The following ARHGAP26 variants were observed in gnomAD, a reference collection of about 807,000 sequenced individuals.
ARHGAP26 encodes the protein Rho GTPase activating protein 26.
ARHGAP26 carries 38 observed loss-of-function variants against 104.8 expected under a neutral mutation model. The ratio of observed to expected loss-of-function variants is 0.36; its 90% CI spans 0.28 to 0.48. The LOEUF (loss-of-function observed/expected upper bound fraction) is 0.48. Ranked by LOEUF, ARHGAP26 falls within the 20% of genes least tolerant of loss-of-function variation. The probability of loss-of-function intolerance (pLI) is 0.99; values close to 1 mark genes in which losing one functional copy is unlikely to be tolerated. For missense variants in ARHGAP26, 704 were observed against 947.9 expected (o/e 0.74, Z 3.38); for synonymous variants, 341 against 340.0 (o/e 1.00, Z -0.03).
chr5:142,928,018 C>A (rs1039155115), intron 10 of ARHGAP26, among the ~76,000 whole-genome samples: 1 of 152,092 alleles, frequency 6.6e-6, no homozygotes, highest in Admixed American at 6.6e-5. Context: ...TTTTCTTACT[C>A]ACTTGTAGGC....
chr5:142,874,505 A>G (rs540610511), intron 2 of ARHGAP26, among the ~76,000 whole-genome samples: 1 of 152,312 alleles, frequency 6.6e-6, no homozygotes, highest in Non-Finnish European at 1.5e-5. Flanking sequence ...ACATGGCTCA[A>G]GGGTCTCGAG....
At chr5:142,831,007 A>G (rs1250987506) in intron 1 of ARHGAP26, among the ~76,000 whole-genome samples, 1 of 152,236 alleles carries the variant, frequency 6.6e-6, no homozygotes, top group Non-Finnish European at 1.5e-5. Context: ...AATACAAATT[A>G]TAATAGCACC....
At chr5:142,867,351 A>ATGTACAG (rs1437425847) in intron 1 of ARHGAP26, among the ~76,000 whole-genome samples, 1 of 150,280 alleles carries the variant, frequency 6.7e-6, no homozygotes, top group African/African-American at 2.5e-5. Flanking sequence ...TGCTAGTACA[A>ATGTACAG]TGCCAGGAGT....
At chr5:143,140,739 G>A (rs1234308132) in intron 19 of ARHGAP26, among the ~76,000 whole-genome samples, 4 of 151,982 alleles carry the variant, frequency 2.6e-5, no homozygotes, top group African/African-American at 7.3e-5. Context: ...GTACAGTGTC[G>A]GTGGGGGTGG....
At chr5:142,805,071 A>ATTTTCT (rs550175001) in intron 1 of ARHGAP26, among the ~76,000 whole-genome samples, 2 of 146,434 alleles carry the variant, frequency 1.4e-5, no homozygotes, top group South Asian at 2.1e-4. Context: ...GCTATACCAC[A>ATTTTCT]TTTTCTTTTT....
At chr5:143,172,995 C>T (rs1424144628) in intron 20 of ARHGAP26, 18 of 180,718 alleles carry the variant, frequency 1.0e-4, no homozygotes, top group Middle Eastern at 4.1e-3. Flanking sequence ...ACCATGTCTA[C>T]GGCATGCCAG....
intron 11 of ARHGAP26, among the ~76,000 whole-genome samples, chr5:142,970,961 A>G (rs1489437166): frequency 6.6e-6 from 1 of 152,244 alleles, no homozygotes; most frequent in Non-Finnish European, 1.5e-5. Context: ...GAAACTTTTT[A>G]AAGTGTGATT....
At chr5:142,977,306 T>C (rs1163217934) in intron 11 of ARHGAP26, among the ~76,000 whole-genome samples, 1 of 152,172 alleles carries the variant, frequency 6.6e-6, no homozygotes, top group African/African-American at 2.4e-5. Context: ...TCCTTGAGAT[T>C]ATGGTTCCTT....
intron 3 of ARHGAP26, among the ~76,000 whole-genome samples, chr5:142,877,143 G>A (rs1239298619): frequency 6.6e-6 from 1 of 152,152 alleles, no homozygotes; most frequent in African/African-American, 2.4e-5. Context: ...GCTTGCCTCT[G>A]CAATTTTATT....
rs1562164500 is a variant in ARHGAP26, at chr5:142,963,183, T to TACATAC, written c.1107+31059_1107+31060insCATACA. Among the ~76,000 whole-genome samples, 459 of 107,374 alleles carry TACATAC rather than the reference T, an allele frequency of 4.3e-3. 8 individuals are homozygous for TACATAC. Among genetic ancestry groups the TACATAC allele is most frequent in the African/African-American group, 0.021 (417 of 19,538 alleles). 70.4% of individuals were successfully genotyped at this position (107,374 alleles called of 152,430 possible). A position where few individuals can be genotyped will look rare whatever the true frequency, so the allele number is the denominator to read the frequency against. ...TCCATGGTATATATGTATATATATA[T>TACATAC]ATATATATATATATATGTGTGTGTG... is the stretch of plus-strand genomic sequence containing the variant. On this transcript the variant is annotated intron_variant, in intron 11 of 22. Transcript: ENST00000645722.
chr5:143,051,958 C>T (rs3776344), intron 14 of ARHGAP26, among the ~76,000 whole-genome samples: 74,954 of 151,950 alleles, frequency 0.49, 22,983 homozygotes, highest in East Asian at 0.91. Context: ...CAGCTCTCCA[C>T]GTGTCTTAGG....
intron 14 of ARHGAP26, among the ~76,000 whole-genome samples, chr5:143,051,198 C>T (rs760938999): frequency 1.3e-5 from 2 of 152,152 alleles, no homozygotes; most frequent in Admixed American, 6.5e-5. Context: ...ATAATTTCCT[C>T]CAAAATATCC....
Position 142,901,921 on chromosome 5 carries a change from T to C in ARHGAP26, c.598-14T>C, listed in dbSNP as rs1760400822. On this transcript the variant is annotated splice_polypyrimidine_tract_variant and intron_variant, in intron 6 of 22. Transcript: ENST00000645722. ...CCTGGTTATGTGACCTTTGCCTTTC[T>C]TCCTTCATTACAGCTGCTGGCCTTC... 1 of 1,612,014 alleles carries C rather than the reference T, an allele frequency of 6.2e-7. No individual in the cohort carries two copies. The highest frequency in any genetic ancestry group is 8.5e-7 in the Non-Finnish European group (1 of 1,178,252).
At chr5:142,961,209 C>T (rs547640134) in intron 11 of ARHGAP26, among the ~76,000 whole-genome samples, 4 of 152,034 alleles carry the variant, frequency 2.6e-5, no homozygotes, top group African/African-American at 4.8e-5. Context: ...AATGGATCCA[C>T]GCTGGGCACG....
chr5:142,907,649 A>T, intron 8 of ARHGAP26, 55 bp from the exon 9 acceptor site: 1 of 1,228,100 alleles, frequency 8.1e-7, no homozygotes, highest in Non-Finnish European at 1.2e-6. Flanking sequence ...CCAGCTCATG[A>T]TGTATAGCAT....
intron 18 of ARHGAP26, among the ~76,000 whole-genome samples, chr5:143,127,399 T>C (rs968045985): frequency 6.6e-6 from 1 of 152,224 alleles, no homozygotes; most frequent in African/African-American, 2.4e-5. Flanking sequence ...CTATTAATGT[T>C]TGACAAAATA....
intron 1 of ARHGAP26, among the ~76,000 whole-genome samples, chr5:142,842,727 G>T (rs1271853440): frequency 1.3e-5 from 2 of 152,186 alleles, no homozygotes; most frequent in African/African-American, 4.8e-5. Flanking sequence ...TTTCCCATTT[G>T]TAAAATCAGA....
At chr5:142,997,901 G>A (rs556780656) in intron 11 of ARHGAP26, among the ~76,000 whole-genome samples, 1 of 152,248 alleles carries the variant, frequency 6.6e-6, no homozygotes, top group South Asian at 2.1e-4. Context: ...CTTTGTTCAA[G>A]CATAAATTAT....
intron 11 of ARHGAP26, among the ~76,000 whole-genome samples, chr5:142,940,746 G>A (rs1766146857): frequency 6.6e-6 from 1 of 152,126 alleles, no homozygotes; most frequent in Non-Finnish European, 1.5e-5. Context: ...ATTGTGAATA[G>A]TGCTGCAGTG....
Sources: gnomAD v4.1 joint callset for allele counts (sites outside exome capture counted in the v4.1 genomes callset) on GRCh38, gnomAD v4.1.1 for gene constraint, MANE v1.5 for transcripts, NCBI Gene and HGNC (gene_info 2026-07-23, HGNC 2026-07-21) for gene names.